Variants in RPS6KA6 observed in about 807,000 individuals in gnomAD.
RPS6KA6 encodes the protein ribosomal protein S6 kinase alpha-6.
A neutral mutation model predicts 65.4 loss-of-function variants in RPS6KA6; 27 were observed. That is an observed-to-expected ratio of 0.41 (90% confidence interval 0.30 to 0.57). RPS6KA6 has a LOEUF of 0.57. Ranked by LOEUF, RPS6KA6 falls within the 20% of genes least tolerant of loss-of-function variation. RPS6KA6 has a pLI of 0.24. For missense variants in RPS6KA6, 486 were observed against 555.6 expected (o/e 0.87, Z 1.26); for synonymous variants, 190 against 184.2 (o/e 1.03, Z -0.26).
intron 20 of RPS6KA6, among the ~76,000 whole-genome samples, chrX:84,065,913 G>A (rs2033391474): frequency 9.0e-6 from 1 of 111,277 alleles, no homozygotes; most frequent in African/African-American, 3.3e-5. Flanking sequence ...TACAACTGAG[G>A]TACCCAGTTC....
At chrX:84,156,286 T>C in intron 2 of RPS6KA6, 95 bp from the exon 3 acceptor site, 1 of 482,599 alleles carries the variant, frequency 2.1e-6, no homozygotes, top group Admixed American at 3.1e-5. Flanking sequence ...AATACCCAAC[T>C]CCCTCAATGT....
At chrX:84,077,332 C>T (rs1225432989) in intron 20 of RPS6KA6, among the ~76,000 whole-genome samples, 2 of 110,917 alleles carry the variant, frequency 1.8e-5, no homozygotes, top group African/African-American at 6.5e-5. Flanking sequence ...AGAAAAAAGT[C>T]GAAACACTCA....
At chrX:84,104,008 T>C (rs970502867) in intron 17 of RPS6KA6, among the ~76,000 whole-genome samples, 1 of 110,702 alleles carries the variant, frequency 9.0e-6, no homozygotes, top group African/African-American at 3.3e-5. Flanking sequence ...GCCTTCTTTA[T>C]GAAAGGACAG....
chrX:84,160,971 CTTGGT>C (rs1242365522), intron 2 of RPS6KA6, among the ~76,000 whole-genome samples: 1 of 110,905 alleles, frequency 9.0e-6, no homozygotes, highest in Non-Finnish European at 1.9e-5. Context: ...CTAGTTCCCA[CTTGGT>C]TTGGTTTATT....
rs187230514 is a variant in RPS6KA6 at position 84,162,809 on chromosome X, C to T, written c.141+1519G>A. Among the ~76,000 whole-genome samples the T allele has an allele frequency of 1.1e-4, 12 of 111,773 alleles. No homozygotes were observed. In the East Asian group the frequency reaches 3.4e-3, roughly 31 times the overall value. ...AACTGGCAACATTAATATTACTATG[C>T]CTATTAGTCCATATGAACTGTAGAC... On this transcript the variant is annotated intron_variant, in intron 2 of 21. Coordinates refer to ENST00000262752, the MANE Select transcript of RPS6KA6 (RefSeq NM_014496.5).
At chrX:84,104,747 C>T in intron 16 of RPS6KA6, 90 bp from the exon 17 acceptor site, 1 of 554,174 alleles carries the variant, frequency 1.8e-6, no homozygotes. Flanking sequence ...TACCTTTCTA[C>T]TAGACTTCCC....
chrX:84,130,528 T>C (rs1369786790), intron 8 of RPS6KA6, among the ~76,000 whole-genome samples: 2 of 111,758 alleles, frequency 1.8e-5, no homozygotes, highest in African/African-American at 6.5e-5. Context: ...TAAAAATTTA[T>C]GGTAAAAAGA....
intron 8 of RPS6KA6, among the ~76,000 whole-genome samples, chrX:84,124,450 TAAAG>T (rs1345561897): frequency 9.0e-6 from 1 of 111,596 alleles, no homozygotes; most frequent in Non-Finnish European, 1.9e-5. Flanking sequence ...ATAACTTTAA[TAAAG>T]AGATTAAAAT....
chrX:84,134,023 T>G (rs1414715992), intron 8 of RPS6KA6, among the ~76,000 whole-genome samples: 1 of 112,143 alleles, frequency 8.9e-6, no homozygotes, highest in Non-Finnish European at 1.9e-5. Context: ...AAAGACTACA[T>G]CTTCATCTTA....
In RPS6KA6 at chrX:84,187,828, G is replaced by A. The variant is rs757298738; in HGVS notation, c.72C>T (p.Ser24=). The A allele has an allele frequency of 3.3e-6, 4 of 1,204,399 alleles. No homozygotes were observed. The South Asian group carries it at 5.4e-5, about 16-fold the overall frequency. ...EMEVFSGGGA[S]SGEVNGLKMV... ...TGGCCACCACACTAACCTCGCCGCT[G>A]CTCGCGCCGCCGCCGCTGAACACTT... The change falls in exon 1 of 22, where the codon AGC becomes AGT. Residue 24 remains serine, a synonymous_variant. Coordinates refer to ENST00000262752, the MANE Select transcript of RPS6KA6 (RefSeq NM_014496.5).
Position 84,187,825 on chromosome X carries a change from G to C in RPS6KA6, c.75C>G (p.Ser25Arg). The C allele has an allele frequency of 8.3e-7, 1 of 1,203,723 alleles. No homozygotes were observed. The highest frequency in any genetic ancestry group is 3.0e-5 in the East Asian group (1 of 33,001). Reference sequence around the variant, plus strand: ...TCTTGGCCACCACACTAACCTCGCCGCTGCTCGCGCCGCCGCCGCTGAACA... The same window carrying C: ...TCTTGGCCACCACACTAACCTCGCCCCTGCTCGCGCCGCCGCCGCTGAACA... ...MEVFSGGGAS[S>R]GEVNGLKMVD... Residue 25 changes from serine to arginine, a missense_variant, in exon 1 of 22, where the codon AGC (serine) becomes AGG (arginine). By Grantham distance (110) the Ser-to-Arg change is moderately radical. Transcript: ENST00000262752.
intron 1 of RPS6KA6, among the ~76,000 whole-genome samples, chrX:84,179,910 C>T (rs1012945186): frequency 8.9e-6 from 1 of 112,075 alleles, no homozygotes; most frequent in African/African-American, 3.2e-5. Context: ...TCCAGGTGAA[C>T]AATCATGAAT....
chrX:84,115,113 CTTAA>C (rs1432361023), intron 12 of RPS6KA6, among the ~76,000 whole-genome samples: 4 of 111,741 alleles, frequency 3.6e-5, no homozygotes, highest in African/African-American at 6.5e-5. Flanking sequence ...ACAAATTGGA[CTTAA>C]TTAATTTCCT....
chrX:84,143,042 T>C (rs2035134796), intron 6 of RPS6KA6, among the ~76,000 whole-genome samples: 1 of 110,292 alleles, frequency 9.1e-6, no homozygotes, highest in African/African-American at 3.3e-5. Flanking sequence ...ATCATAAATA[T>C]CCCTCATAAA....
At chrX:84,165,644 A>T (rs2035586450) in intron 1 of RPS6KA6, among the ~76,000 whole-genome samples, 1 of 111,385 alleles carries the variant, frequency 9.0e-6, no homozygotes, top group Admixed American at 9.6e-5. Flanking sequence ...AAGATTCCCC[A>T]TGTACACACT....
At chrX:84,111,538 T>C (rs1192529694) in intron 12 of RPS6KA6, among the ~76,000 whole-genome samples, 1 of 112,031 alleles carries the variant, frequency 8.9e-6, no homozygotes. Flanking sequence ...GACCTAATTT[T>C]AGCTTCCTTT....
At chrX:84,164,444 T>C (rs966661470) in intron 1 of RPS6KA6, 57 bp from the exon 2 acceptor site, 3 of 815,134 alleles carry the variant, frequency 3.7e-6, no homozygotes, top group African/African-American at 2.1e-5. Flanking sequence ...GAGTGATAAC[T>C]AAGAAAAATA....
chrX:84,166,813 T>G (rs1425565200), intron 1 of RPS6KA6, among the ~76,000 whole-genome samples: 2 of 111,675 alleles, frequency 1.8e-5, no homozygotes, highest in East Asian at 5.6e-4. Context: ...CTTTTTGATG[T>G]GATGAAGAAC....
At chrX:84,065,918 C>T (rs890347225) in intron 20 of RPS6KA6, among the ~76,000 whole-genome samples, 1 of 111,197 alleles carries the variant, frequency 9.0e-6, no homozygotes, top group Non-Finnish European at 1.9e-5. Context: ...CTGAGGTACC[C>T]AGTTCGTCTC....
Sources: allele counts gnomAD v4.1 joint callset (sites outside exome capture counted in the v4.1 genomes callset), GRCh38; gene constraint gnomAD v4.1.1; transcripts MANE v1.5; gene names NCBI Gene and HGNC (gene_info 2026-07-23, HGNC 2026-07-21).